Variants in SLC1A2 observed in about 807,000 individuals in gnomAD.
The protein encoded by SLC1A2 is solute carrier family 1 member 2, also known as excitatory amino acid transporter 2.
A neutral mutation model predicts 48.8 loss-of-function variants in SLC1A2; 15 were observed. That is an observed-to-expected ratio of 0.31 (90% CI 0.21 to 0.47). The LOEUF is 0.47. Ranked by LOEUF, SLC1A2 falls within the 20% of genes least tolerant of loss-of-function variation. The pLI, the probability that SLC1A2 is intolerant of heterozygous loss-of-function variation, is 0.99. For missense variants in SLC1A2, 502 were observed against 730.5 expected, an observed-to-expected ratio of 0.69 and a Z score of 3.61; for synonymous variants, 279 against 272.6, an observed-to-expected ratio of 1.02 and a Z score of -0.23.
At chr11:35,262,212 C>T (rs1465593435) in intron 10 of SLC1A2, among the ~76,000 whole-genome samples, 1 of 152,206 alleles carries the variant, frequency 6.6e-6, no homozygotes, top group Non-Finnish European at 1.5e-5. Context: ...TTCACTATAA[C>T]CTTGAATGTG....
intron 1 of SLC1A2, among the ~76,000 whole-genome samples, chr11:35,347,313 A>G (rs1174732299): frequency 6.6e-6 from 1 of 152,214 alleles, no homozygotes. Flanking sequence ...GGAGTCTCCT[A>G]GTCTGCTCTG....
chr11:35,358,666 T>A (rs1328013984), intron 1 of SLC1A2, among the ~76,000 whole-genome samples: 1 of 152,208 alleles, frequency 6.6e-6, no homozygotes, highest in Non-Finnish European at 1.5e-5. Context: ...CATCTTGGAC[T>A]TCTGAAAAGA....
rs2134917687 is a variant in SLC1A2 at position 35,319,577 on chromosome 11, C to A, written c.18-2061G>T. ...TAAAACTAGGAAGTATTTAAAGCAA[C>A]CATTCTGGCAAGATCCATATGATGT... is the stretch of plus-strand genomic sequence containing the variant. On this transcript the variant is annotated intron_variant, in intron 1 of 10. Coordinates refer to ENST00000278379, the MANE Select transcript of SLC1A2 (RefSeq NM_004171.4). Among the ~76,000 whole-genome samples, 2 of 152,296 alleles carry A rather than the reference C, an allele frequency of 1.3e-5. 1 individual carries two copies. Among genetic ancestry groups the A allele is most frequent in the Middle Eastern group, 6.8e-3 (2 of 294 alleles).
At chr11:35,394,288 C>G (rs1399100358) in intron 1 of SLC1A2, among the ~76,000 whole-genome samples, 1 of 152,034 alleles carries the variant, frequency 6.6e-6, no homozygotes, top group Non-Finnish European at 1.5e-5. Context: ...CACATCAAAA[C>G]GGGTCTCCAA....
At chr11:35,344,109 C>A (rs533827830) in intron 1 of SLC1A2, among the ~76,000 whole-genome samples, 1 of 152,058 alleles carries the variant, frequency 6.6e-6, no homozygotes, top group East Asian at 1.9e-4. Context: ...TTTGTTCATG[C>A]ATTTACCCAT....
intron 1 of SLC1A2, among the ~76,000 whole-genome samples, chr11:35,375,399 G>A (rs914792634): frequency 6.6e-6 from 1 of 152,220 alleles, no homozygotes; most frequent in Non-Finnish European, 1.5e-5. Context: ...GGAGACACAG[G>A]TGAGAGGACA....
intron 1 of SLC1A2, among the ~76,000 whole-genome samples, chr11:35,390,111 G>A (rs1409786517): frequency 6.6e-6 from 1 of 152,210 alleles, no homozygotes; most frequent in Non-Finnish European, 1.5e-5. Context: ...CACAGCCTGT[G>A]TGAAGCACTA....
chr11:35,329,853 G>A (rs772289098), intron 1 of SLC1A2, among the ~76,000 whole-genome samples: 14 of 152,168 alleles, frequency 9.2e-5, no homozygotes, highest in Non-Finnish European at 1.5e-4. Flanking sequence ...TTTCTATCCT[G>A]TGGAGCTACC....
intron 10 of SLC1A2, among the ~76,000 whole-genome samples, 186 bp from the exon 11 acceptor site, chr11:35,261,151 A>G (rs975895158): frequency 1.3e-5 from 2 of 152,228 alleles, no homozygotes; most frequent in Non-Finnish European, 2.9e-5. Context: ...AGAATTTTAA[A>G]AATCCATATT....
intron 1 of SLC1A2, among the ~76,000 whole-genome samples, chr11:35,405,382 A>G (rs1217741403): frequency 6.6e-6 from 1 of 151,690 alleles, no homozygotes; most frequent in Non-Finnish European, 1.5e-5. Flanking sequence ...TGCTTCTGGT[A>G]ACTTTTCTTT....
chr11:35,310,465 AAT>A (rs1851653011), intron 4 of SLC1A2, among the ~76,000 whole-genome samples: 1 of 152,218 alleles, frequency 6.6e-6, no homozygotes, highest in South Asian at 2.1e-4. Context: ...CCTGGCGTGG[AAT>A]GGTTTCCTTT....
At chr11:35,385,362 A>G (rs569939362) in intron 1 of SLC1A2, among the ~76,000 whole-genome samples, 1 of 152,212 alleles carries the variant, frequency 6.6e-6, no homozygotes, top group Non-Finnish European at 1.5e-5. Flanking sequence ...GGGAAATATT[A>G]TCTCCCTTTT....
intron 1 of SLC1A2, among the ~76,000 whole-genome samples, chr11:35,355,786 G>A (rs996038128): frequency 6.6e-6 from 1 of 151,898 alleles, no homozygotes; most frequent in Non-Finnish European, 1.5e-5. Flanking sequence ...TCGGGAGGCT[G>A]AGGCAGGAGA....
intron 7 of SLC1A2, chr11:35,291,653 T>A (rs1851012685): frequency 6.6e-6 from 1 of 152,590 alleles, no homozygotes. Flanking sequence ...CAAAAAATGA[T>A]TTTTCTCTAC....
intron 1 of SLC1A2, among the ~76,000 whole-genome samples, chr11:35,397,824 C>A (rs1013251630): frequency 2.0e-5 from 3 of 152,206 alleles, no homozygotes; most frequent in African/African-American, 7.2e-5. Flanking sequence ...AATCTGCCAG[C>A]ACCCCGATCT....
chr11:35,407,491 C>T (rs914146906), intron 1 of SLC1A2, among the ~76,000 whole-genome samples: 1 of 152,236 alleles, frequency 6.6e-6, no homozygotes, highest in Non-Finnish European at 1.5e-5. Flanking sequence ...AACATATAAT[C>T]CTGCTCTTGC....
rs1477307621 is a variant in SLC1A2, at chr11:35,315,042, G to T, written c.291C>A (p.Ile97=). The change falls in exon 3 of 11, where the codon ATC becomes ATA. Residue 97 remains isoleucine (I), a synonymous_variant. Transcript: ENST00000278379. The part of the protein sequence containing the change: ...RMLKMLILPL[I]ISSLITGLSG... Reference sequence around the variant, plus strand: ...TCTTACCTGTGATTAAGCTGGAGATGATTAGAGGGAGAATGAGCATTTTTA... The same window carrying T: ...TCTTACCTGTGATTAAGCTGGAGATTATTAGAGGGAGAATGAGCATTTTTA... 6.2e-7 allele frequency: 1 copy of T among 1,612,994 alleles called. No individual in the cohort carries two copies. The highest frequency in any genetic ancestry group is 1.3e-5 in the African/African-American group (1 of 74,894).
chr11:35,386,418 C>T (rs1047192129), intron 1 of SLC1A2, among the ~76,000 whole-genome samples: 4 of 152,092 alleles, frequency 2.6e-5, no homozygotes, highest in African/African-American at 9.7e-5. Context: ...TCAGTCACTG[C>T]TGTAATGAAA....
chr11:35,266,444 A>T (rs1170192810), intron 9 of SLC1A2, among the ~76,000 whole-genome samples: 4 of 152,236 alleles, frequency 2.6e-5, no homozygotes, highest in Non-Finnish European at 5.9e-5. Context: ...CTAAAAAAAT[A>T]AATCTTCCAG....
Sources: gnomAD v4.1 joint callset for allele counts (sites outside exome capture counted in the v4.1 genomes callset) on GRCh38, gnomAD v4.1.1 for gene constraint, MANE v1.5 for transcripts, NCBI Gene and HGNC (gene_info 2026-07-23, HGNC 2026-07-21) for gene names.